MSR1: variants seen among roughly 807,000 people sequenced by gnomAD.
MSR1 encodes macrophage scavenger receptor 1.
A neutral mutation model predicts 47.2 loss-of-function variants in MSR1; 53 were observed. The observed-to-expected ratio is 1.12, with a 90% CI of 0.90 to 1.41. The LOEUF (loss-of-function observed/expected upper bound fraction) is 1.41. Ranked by LOEUF, MSR1 falls within the 40% of genes most tolerant of loss-of-function variation. The probability of loss-of-function intolerance (pLI) is 0.00; values close to 1 mark genes in which losing one functional copy is unlikely to be tolerated. For missense variants in MSR1, 786 were observed against 546.9 expected, an observed-to-expected ratio of 1.44 and a Z score of -4.36; for synonymous variants, 239 against 185.6, an observed-to-expected ratio of 1.29 and a Z score of -2.34.
intron 1 of MSR1, among the ~76,000 whole-genome samples, chr8:16,182,056 A>AGG (rs1303355592): frequency 2.0e-5 from 3 of 152,108 alleles, no homozygotes; most frequent in Non-Finnish European, 2.9e-5. Context: ...TACTGCTGCT[A>AGG]GGCAACAAAC....
intron 1 of MSR1, among the ~76,000 whole-genome samples, chr8:16,190,339 T>C (rs1240705757): frequency 1.3e-5 from 2 of 152,184 alleles, no homozygotes; most frequent in East Asian, 3.8e-4. Flanking sequence ...ATAACATAAA[T>C]TTATAAATAT....
chr8:16,172,157 G>T (rs898000679), intron 3 of MSR1, among the ~76,000 whole-genome samples: 1 of 152,100 alleles, frequency 6.6e-6, no homozygotes, highest in African/African-American at 2.4e-5. Context: ...TATGCACATT[G>T]CTCTGATTGC....
In MSR1 at chr8:16,146,441, G is replaced by A. The variant is rs958398972; in HGVS notation, c.980-2830C>T. Among the ~76,000 whole-genome samples, 22 of 151,824 alleles carry A rather than the reference G, an allele frequency of 1.4e-4. No individual in the cohort carries two copies. In the East Asian group the frequency reaches 2.5e-3, roughly 17 times the overall value. On this transcript the variant is annotated intron_variant, in intron 7 of 9. Transcript: ENST00000262101. ...ATCTCTTCCTCCTCCTCTGCATAGT[G>A]AGGCAGCTTGAGAGTTGAGTCTACC...
At chr8:16,111,776 C>A (rs1448397954) in intron 9 of MSR1, among the ~76,000 whole-genome samples, 1 of 151,886 alleles carries the variant, frequency 6.6e-6, no homozygotes, top group African/African-American at 2.4e-5. Flanking sequence ...CCTCAAATAA[C>A]TTTCAAAAAC....
In MSR1 at chr8:16,118,628, G is replaced by A. The variant is rs754029772; in HGVS notation, c.1222+1790C>T. Among the ~76,000 whole-genome samples, 6 of 151,834 alleles carry A rather than the reference G, an allele frequency of 4.0e-5. No individual in the cohort carries two copies. The South Asian group carries it at 8.3e-4, about 21-fold the overall frequency. On this transcript the variant is annotated intron_variant, in intron 9 of 9. Transcript: ENST00000262101. ...CAGGAGGCAGAGGTTGCAGTAAGCC[G>A]AGATTACACCCCGCACTCCAGCCTG...
At chr8:16,176,596 G>A (rs35078802) in intron 2 of MSR1, among the ~76,000 whole-genome samples, 2,013 of 152,106 alleles carry the variant, frequency 0.013, 54 homozygotes, top group African/African-American at 0.046. Flanking sequence ...ATAGAAGCAA[G>A]TGGAGATATA....
At chr8:16,144,274 T>A (rs1800639479) in intron 7 of MSR1, among the ~76,000 whole-genome samples, 1 of 152,098 alleles carries the variant, frequency 6.6e-6, no homozygotes, top group Admixed American at 6.6e-5. Context: ...CACTGTCCCA[T>A]TTTTAAAGGG....
At position 16,109,050 on chromosome 8, in the gene MSR1, G is replaced by A. The variant is rs1271321342; in HGVS notation, c.*1035C>T. 3.9e-5 allele frequency: 6 copies of A among 151,918 alleles called. No individual in the cohort carries two copies. The highest frequency in any genetic ancestry group is 1.5e-4 in the African/African-American group (6 of 41,346). 9.4% of individuals were successfully genotyped at this position (151,918 alleles called of 1,614,324 possible). On this transcript the variant is annotated 3_prime_UTR_variant, in exon 10 of 10. Transcript: ENST00000262101. ...CAGGGTAGAATTACTGGGTTTCAGG[G>A]TAGCTTTTCACACTCTACACTATGG... is the stretch of plus-strand genomic sequence containing the variant.
At chr8:16,186,238 T>C in intron 1 of MSR1, 1 of 1,521,630 alleles carries the variant, frequency 6.6e-7, no homozygotes, top group Non-Finnish European at 8.8e-7. Flanking sequence ...TTCTGGGTAT[T>C]CCTCCTCATC....
intron 3 of MSR1, among the ~76,000 whole-genome samples, chr8:16,172,877 T>A (rs1227096567): frequency 2.6e-5 from 4 of 152,158 alleles, no homozygotes; most frequent in African/African-American, 9.6e-5. Flanking sequence ...CATGAATTCA[T>A]ATTTGCCAAA....
chr8:16,154,796 T>C (rs1262136259), intron 6 of MSR1, among the ~76,000 whole-genome samples: 1 of 151,960 alleles, frequency 6.6e-6, no homozygotes, highest in Non-Finnish European at 1.5e-5. Flanking sequence ...AACAATTCCA[T>C]TTGGTTACTC....
chr8:16,191,061 A>G (rs530286787), intron 1 of MSR1, among the ~76,000 whole-genome samples: 1 of 152,316 alleles, frequency 6.6e-6, no homozygotes, highest in South Asian at 2.1e-4. Flanking sequence ...AACATTTGGA[A>G]TAAATAATAA....
chr8:16,179,269 T>C (rs1801753642), intron 1 of MSR1, among the ~76,000 whole-genome samples: 1 of 152,190 alleles, frequency 6.6e-6, no homozygotes, highest in South Asian at 2.1e-4. Context: ...AAAAGTCAAT[T>C]TTCCCAGATA....
At chr8:16,183,016 A>G (rs1291815289) in intron 1 of MSR1, among the ~76,000 whole-genome samples, 1 of 152,176 alleles carries the variant, frequency 6.6e-6, no homozygotes, top group Non-Finnish European at 1.5e-5. Context: ...TTCCCTTAGA[A>G]CAGCTATGAG....
chr8:16,185,904 A>C (rs771564379), intron 1 of MSR1, among the ~76,000 whole-genome samples: 3 of 151,642 alleles, frequency 2.0e-5, no homozygotes, highest in Non-Finnish European at 4.4e-5. Flanking sequence ...TCAGTGGGTG[A>C]GTAGAGGAAG....
At chr8:16,176,299 G>T (rs1801644703) in intron 2 of MSR1, among the ~76,000 whole-genome samples, 1 of 152,124 alleles carries the variant, frequency 6.6e-6, no homozygotes, top group South Asian at 2.1e-4. Flanking sequence ...TTGAGCCTAG[G>T]AGTTTGAGAC....
At chr8:16,140,255 A>T (rs954885175) in intron 8 of MSR1, 1 of 984,116 alleles carries the variant, frequency 1.0e-6, no homozygotes, top group African/African-American at 1.8e-5. Flanking sequence ...CAGCCTGTGC[A>T]ATAGAACAAG....
intron 3 of MSR1, among the ~76,000 whole-genome samples, chr8:16,169,487 G>A (rs143358236): frequency 4.6e-5 from 7 of 152,162 alleles, no homozygotes; most frequent in African/African-American, 9.6e-5. Flanking sequence ...ATAAAGGTAC[G>A]ATTCTCATAA....
At chr8:16,185,855 A>AAC (rs1801981943) in intron 1 of MSR1, among the ~76,000 whole-genome samples, 1 of 151,858 alleles carries the variant, frequency 6.6e-6, no homozygotes, top group Non-Finnish European at 1.5e-5. Flanking sequence ...GGAAAAAAAA[A>AAC]AAAAAACACC....
Sources: gnomAD v4.1 joint callset for allele counts (sites outside exome capture counted in the v4.1 genomes callset) on GRCh38, gnomAD v4.1.1 for gene constraint, MANE v1.5 for transcripts, NCBI Gene and HGNC (gene_info 2026-07-23, HGNC 2026-07-21) for gene names.